The following VPS35 variants were observed in gnomAD, a reference collection of about 807,000 sequenced individuals.
VPS35 encodes the protein VPS35 retromer complex component.
In VPS35, 21 loss-of-function variants were observed where a neutral mutation model predicts 98.1. The ratio of observed to expected loss-of-function variants is 0.21; its 90% CI spans 0.15 to 0.31. The LOEUF is 0.31. Ranked by LOEUF, VPS35 falls within the 10% of genes least tolerant of loss-of-function variation. The probability of loss-of-function intolerance (pLI) is 1.00; values close to 1 mark genes in which losing one functional copy is unlikely to be tolerated. For synonymous variants in VPS35, 268 were observed against 318.2 expected, an observed-to-expected ratio of 0.84 and a Z score of 1.68; for missense variants, 554 against 950.8, an observed-to-expected ratio of 0.58 and a Z score of 5.49.
At position 46,657,499 on chromosome 16, in the gene VPS35, C is replaced by T. The variant is rs1965852569; in HGVS notation, c.*2973G>A. On this transcript the variant is annotated 3_prime_UTR_variant, in exon 17 of 17. Transcript: ENST00000299138. ...TTGAGGTCTGTCACATTTCTCAATG[C>T]CTTTGAGAGCTGCACACGAACTGTA... 1.3e-5 allele frequency: 2 copies of T among 152,168 alleles called. No homozygotes were observed. The highest frequency in any genetic ancestry group is 6.5e-5 in the Admixed American group (1 of 15,274). The allele number at this position is 152,168 out of a possible 1,614,324, so 9.4% of individuals were successfully genotyped here.
chr16:46,686,674 G>A (rs1450587592), intron 1 of VPS35, among the ~76,000 whole-genome samples: 3 of 152,162 alleles, frequency 2.0e-5, no homozygotes. Flanking sequence ...GTGTCACATA[G>A]AGCCTTAACA....
chr16:46,680,895 T>A, intron 4 of VPS35, 42 bp from the exon 5 acceptor site: 1 of 1,581,798 alleles, frequency 6.3e-7, no homozygotes. Flanking sequence ...AATAAAATAT[T>A]CAAATCAAGA....
At chr16:46,678,845 T>A in intron 6 of VPS35, 98 bp downstream of exon 6, 2 of 1,275,320 alleles carry the variant, frequency 1.6e-6, no homozygotes, top group Non-Finnish European at 2.2e-6. Context: ...TTTAAGATGT[T>A]TTTCAATGTA....
intron 13 of VPS35, among the ~76,000 whole-genome samples, chr16:46,667,698 T>C (rs1045718712): frequency 3.9e-5 from 6 of 152,206 alleles, no homozygotes; most frequent in Non-Finnish European, 7.3e-5. Flanking sequence ...TTATTATATA[T>C]GGCATAAGAT....
chr16:46,663,235 G>A, intron 13 of VPS35, 73 bp from the exon 14 acceptor site: 1 of 1,372,906 alleles, frequency 7.3e-7, no homozygotes, highest in Non-Finnish European at 1.0e-6. Flanking sequence ...CATTTTAATA[G>A]AACAAAATAC....
At chr16:46,677,283 C>A (rs1966166278) in intron 7 of VPS35, 32 bp downstream of exon 7, 4 of 1,573,680 alleles carry the variant, frequency 2.5e-6, no homozygotes, top group East Asian at 4.5e-5. Flanking sequence ...TAAAATAGGT[C>A]GTTTAAAAAA....
intron 1 of VPS35, among the ~76,000 whole-genome samples, chr16:46,684,759 T>C (rs1487332677): frequency 6.6e-6 from 1 of 152,206 alleles, no homozygotes; most frequent in Non-Finnish European, 1.5e-5. Context: ...ATGAATACAC[T>C]GGTTTTAGAA....
intron 5 of VPS35, among the ~76,000 whole-genome samples, chr16:46,679,829 T>C (rs544237187): frequency 4.6e-5 from 7 of 152,162 alleles, no homozygotes; most frequent in Non-Finnish European, 7.3e-5. Flanking sequence ...TTTCTCTACA[T>C]TGTTAAATGT....
intron 5 of VPS35, 68 bp from the exon 6 acceptor site, chr16:46,679,224 G>A (rs532928847): frequency 1.2e-5 from 16 of 1,365,278 alleles, no homozygotes; most frequent in Admixed American, 2.0e-5. Context: ...CTTCTCCTTT[G>A]TGTATTTCCT....
intron 1 of VPS35, chr16:46,688,838 G>A (rs1305515598): frequency 7.1e-7 from 1 of 1,402,434 alleles, no homozygotes; most frequent in East Asian, 2.6e-5. Context: ...CCACTTAAAG[G>A]AGGCCGCAGG....
At chr16:46,679,264 TA>T (rs1181837589) in intron 5 of VPS35, 108 bp from the exon 6 acceptor site, 1 of 1,042,850 alleles carries the variant, frequency 9.6e-7, no homozygotes, top group Non-Finnish European at 1.4e-6. Flanking sequence ...CAATGCTTTA[TA>T]AAAAATCACT....
rs184468065 is a variant in VPS35, at chr16:46,680,153, A to G, written c.506+518T>C. On this transcript the variant is annotated intron_variant, in intron 5 of 16. Transcript: ENST00000299138. ...AAAGTACAGTAGACTTTGATGCTAG[A>G]ATACTGATAACACAAGAGACAGGAG... Among the ~76,000 whole-genome samples, 7 of 152,350 alleles carry G rather than the reference A, an allele frequency of 4.6e-5. No individual in the cohort carries two copies. The East Asian group carries it at 1.3e-3, about 29-fold the overall frequency.
chr16:46,666,820 C>T (rs1261867833), intron 13 of VPS35, among the ~76,000 whole-genome samples: 3 of 152,120 alleles, frequency 2.0e-5, no homozygotes, highest in African/African-American at 4.8e-5. Flanking sequence ...CACATATATA[C>T]GTATATACAC....
At chr16:46,678,914 A>C in intron 6 of VPS35, 29 bp downstream of exon 6, 1 of 1,607,036 alleles carries the variant, frequency 6.2e-7, no homozygotes, top group Non-Finnish European at 8.5e-7. Flanking sequence ...ATCTCTGAAC[A>C]TAAGAAGAGG....
intron 5 of VPS35, among the ~76,000 whole-genome samples, chr16:46,679,827 C>A (rs573789714): frequency 1.3e-4 from 20 of 152,044 alleles, no homozygotes; most frequent in Non-Finnish European, 2.8e-4. Context: ...AATTTCTCTA[C>A]ATTGTTAAAT....
chr16:46,688,848 G>A (rs1436231924), intron 1 of VPS35: 34 of 1,413,970 alleles, frequency 2.4e-5, no homozygotes, highest in Non-Finnish European at 3.0e-5. Context: ...GAGGCCGCAG[G>A]CCTTCATGGA....
chr16:46,680,528 G>A, intron 5 of VPS35, 143 bp downstream of exon 5: 1 of 858,026 alleles, frequency 1.2e-6, no homozygotes, highest in Non-Finnish European at 1.8e-6. Flanking sequence ...ATATTACAAA[G>A]GAAATCTATA....
At position 46,656,206 on chromosome 16, in the gene VPS35, G is replaced by A. The variant is rs1055704813; in HGVS notation, c.*4266C>T. The A allele has an allele frequency of 9.9e-5, 15 of 151,914 alleles. No individual in the cohort carries two copies. The East Asian group carries it at 1.5e-3, about 16-fold the overall frequency. The allele number at this position is 151,914 out of a possible 1,614,324, so 9.4% of individuals were successfully genotyped here. On this transcript the variant is annotated 3_prime_UTR_variant, in exon 17 of 17. Coordinates refer to ENST00000299138, the MANE Select transcript of VPS35 (RefSeq NM_018206.6). ...AGATACGGCTCCTTTCCAATGCAAC[G>A]TCTCTGGGTAGGTGGAGGAATGGCT...
intron 12 of VPS35, 59 bp downstream of exon 12, chr16:46,671,646 C>G: frequency 6.2e-7 from 1 of 1,607,876 alleles, no homozygotes; most frequent in Non-Finnish European, 8.5e-7. Context: ...ATTTTAAGCA[C>G]TTGAACATGT....
Sources: gnomAD v4.1 joint callset for allele counts (sites outside exome capture counted in the v4.1 genomes callset) on GRCh38, gnomAD v4.1.1 for gene constraint, MANE v1.5 for transcripts, NCBI Gene and HGNC (gene_info 2026-07-23, HGNC 2026-07-21) for gene names.